The following SDK1 variants were observed in gnomAD, a reference collection of about 807,000 sequenced individuals.
SDK1 encodes the protein sidekick cell adhesion molecule 1.
Under a neutral mutation model 245.5 loss-of-function variants are expected in SDK1, and 157 were observed. The observed-to-expected ratio is 0.64, with a 90% CI of 0.56 to 0.73. The LOEUF is 0.73. SDK1 is among the 30% of genes least tolerant of loss of function. The pLI is 0.00. For synonymous variants in SDK1, 1,647 were observed against 1,278.5 expected, an observed-to-expected ratio of 1.29 and a Z score of -6.15; for missense variants, 3,583 against 3,002.3, an observed-to-expected ratio of 1.19 and a Z score of -4.52.
intron 4 of SDK1, among the ~76,000 whole-genome samples, chr7:3,774,404 C>T (rs1356045376): frequency 6.6e-6 from 1 of 152,148 alleles, no homozygotes; most frequent in Non-Finnish European, 1.5e-5. Flanking sequence ...AGGACAGTGT[C>T]CTTTTTGCCT....
At chr7:3,655,038 A>G (rs1267397389) in intron 4 of SDK1, among the ~76,000 whole-genome samples, 1 of 130,954 alleles carries the variant, frequency 7.6e-6, no homozygotes, top group Non-Finnish European at 1.6e-5. Context: ...TGTTAGTTGA[A>G]TCATAGCTTG....
At chr7:3,622,879 G>A (rs956353861) in intron 2 of SDK1, among the ~76,000 whole-genome samples, 5 of 152,084 alleles carry the variant, frequency 3.3e-5, no homozygotes, top group African/African-American at 1.2e-4. Flanking sequence ...TGGGTTATCA[G>A]GAATCTATCA....
intron 1 of SDK1, among the ~76,000 whole-genome samples, chr7:3,498,292 G>A (rs73050189): frequency 0.025 from 3,759 of 152,244 alleles, 90 homozygotes; most frequent in Non-Finnish European, 0.038. Flanking sequence ...TTTTGCTAGA[G>A]TTTAAAACTT....
In SDK1 at chr7:3,625,364, G is replaced by A. The variant is rs1466023504; in HGVS notation, c.458+6125G>A. The stretch of plus-strand genomic sequence containing the variant: ...CTTAATCTTATAAGTTAAAAGGTAA[G>A]CAACAAACTGGGACAATATTTGCAA... On this transcript the variant is annotated intron_variant, in intron 2 of 44. Coordinates refer to ENST00000404826, the MANE Select transcript of SDK1 (RefSeq NM_152744.4). Among the ~76,000 whole-genome samples the A allele has an allele frequency of 2.0e-5, 3 of 152,178 alleles. No homozygotes were observed. In the East Asian group the frequency reaches 5.8e-4, roughly 29 times the overall value.
rs138605433 is a variant in SDK1, at chr7:4,105,813, G to T, written c.3325-4850G>T. ...AGGAGTCAGCCAGTTGCAGAGAGGAGGGGTGGAAGGAGCAGACACACTCTG... is the reference window on the plus strand; with the variant it reads ...AGGAGTCAGCCAGTTGCAGAGAGGATGGGTGGAAGGAGCAGACACACTCTG... On this transcript the variant is annotated intron_variant, in intron 22 of 44. Transcript: ENST00000404826. Among the ~76,000 whole-genome samples the T allele has an allele frequency of 4.1e-3, 628 of 152,290 alleles. 4 individuals are homozygous for T. The highest frequency in any genetic ancestry group is 0.014 in the African/African-American group (589 of 41,568).
At chr7:3,773,987 G>A (rs546546713) in intron 4 of SDK1, among the ~76,000 whole-genome samples, 3 of 152,164 alleles carry the variant, frequency 2.0e-5, no homozygotes, top group East Asian at 1.9e-4. Flanking sequence ...GGCCAAGGTG[G>A]GTGGATCACG....
At chr7:3,428,896 G>C (rs1290424097) in intron 1 of SDK1, among the ~76,000 whole-genome samples, 1 of 152,242 alleles carries the variant, frequency 6.6e-6, no homozygotes, top group African/African-American at 2.4e-5. Flanking sequence ...ATAGTTAGCA[G>C]TGGAGATATT....
chr7:3,357,493 G>T (rs1780836464), intron 1 of SDK1, among the ~76,000 whole-genome samples: 1 of 151,416 alleles, frequency 6.6e-6, no homozygotes, highest in Non-Finnish European at 1.5e-5. Flanking sequence ...TGGGTTTCAG[G>T]TGCATGCCAC....
intron 1 of SDK1, among the ~76,000 whole-genome samples, chr7:3,420,950 C>T (rs532777266): frequency 6.6e-6 from 1 of 152,160 alleles, no homozygotes; most frequent in Non-Finnish European, 1.5e-5. Flanking sequence ...GTTCCCCTCC[C>T]TGTGTCCATG....
Position 3,308,910 on chromosome 7 carries a change from T to A in SDK1, c.298+7026T>A, listed in dbSNP as rs546093236. 2.0e-5 allele frequency among the ~76,000 whole-genome samples: 3 copies of A among 152,250 alleles called. No individual in the cohort carries two copies. The South Asian group carries it at 6.2e-4, about 32-fold the overall frequency. On this transcript the variant is annotated intron_variant, in intron 1 of 44. Transcript: ENST00000404826. ...AAAAAAATAGAGGGAGATAACCACG[T>A]AATGACTATGGTGATTTGGGGAGGA...
At chr7:3,431,386 C>G (rs11980041) in intron 1 of SDK1, among the ~76,000 whole-genome samples, 1 of 122,482 alleles carries the variant, frequency 8.2e-6, no homozygotes, top group Non-Finnish European at 1.6e-5. Flanking sequence ...TTTTTTAAAG[C>G]AAATTCATTT....
rs550462639 is a variant in SDK1, at chr7:4,210,213, C to A, written c.5539+51C>A. 12 of 1,450,698 alleles carry A rather than the reference C, an allele frequency of 8.3e-6. No homozygotes were observed. In the East Asian group the frequency reaches 1.8e-4, roughly 21 times the overall value. The allele number at this position is 1,450,698 out of a possible 1,614,324, so 89.9% of individuals were successfully genotyped here. A position where few individuals can be genotyped will look rare whatever the true frequency, so the allele number is the denominator to read the frequency against. On this transcript the variant is annotated intron_variant, in intron 38 of 44. Transcript: ENST00000404826. ...GAGCGCGGGCCACACCAGTGCCCAGCCCTCTGCAGTCTACACAGTGAGCCG... is the reference window on the plus strand; with the variant it reads ...GAGCGCGGGCCACACCAGTGCCCAGACCTCTGCAGTCTACACAGTGAGCCG...
chr7:3,876,754 T>C (rs1052626542), intron 5 of SDK1, among the ~76,000 whole-genome samples: 14 of 152,186 alleles, frequency 9.2e-5, no homozygotes, highest in Non-Finnish European at 1.3e-4. Context: ...TTAATCAAGA[T>C]AAGTGACCAG....
intron 4 of SDK1, among the ~76,000 whole-genome samples, chr7:3,665,072 G>A (rs967859471): frequency 1.3e-5 from 2 of 152,176 alleles, no homozygotes. Flanking sequence ...AATGATGTAA[G>A]TCTGTAAGAA....
intron 13 of SDK1, among the ~76,000 whole-genome samples, chr7:3,986,735 C>A (rs771185763): frequency 6.6e-6 from 1 of 152,126 alleles, no homozygotes; most frequent in Non-Finnish European, 1.5e-5. Flanking sequence ...GTGGCAGGCG[C>A]CTATAATCCC....
At chr7:3,830,166 C>G (rs1779879235) in intron 5 of SDK1, among the ~76,000 whole-genome samples, 1 of 152,014 alleles carries the variant, frequency 6.6e-6, no homozygotes, top group African/African-American at 2.4e-5. Flanking sequence ...TAAACTTCAC[C>G]CAGGGAGTAA....
chr7:4,179,116 A>T (rs1290481552), intron 35 of SDK1: 3 of 153,244 alleles, frequency 2.0e-5, no homozygotes, highest in African/African-American at 7.2e-5. Context: ...AGCAACGTCT[A>T]TTTTTAGATC....
Position 3,464,888 on chromosome 7 carries a change from C to G in SDK1, c.299-154192C>G, listed in dbSNP as rs1780945604. ...ACATGTTAAATTTGTCCTTGGGAAA[C>G]ATAGACATTTATGTGATTTTTTTTC... is the stretch of plus-strand genomic sequence containing the variant. On this transcript the variant is annotated intron_variant, in intron 1 of 44. Coordinates refer to ENST00000404826, the MANE Select transcript of SDK1 (RefSeq NM_152744.4). Among the ~76,000 whole-genome samples, 3 of 152,036 alleles carry G rather than the reference C, an allele frequency of 2.0e-5. No homozygotes were observed. The South Asian group carries it at 6.2e-4, about 32-fold the overall frequency.
At chr7:4,257,177 C>T (rs1388593044) in intron 44 of SDK1, among the ~76,000 whole-genome samples, 1 of 152,194 alleles carries the variant, frequency 6.6e-6, no homozygotes. Flanking sequence ...CCCCATCGTA[C>T]CCAATTAATT....
Sources: allele counts gnomAD v4.1 joint callset (sites outside exome capture counted in the v4.1 genomes callset), GRCh38; gene constraint gnomAD v4.1.1; transcripts MANE v1.5; gene names NCBI Gene and HGNC (gene_info 2026-07-23, HGNC 2026-07-21).